ZGRF1: variants seen among roughly 807,000 people sequenced by gnomAD.
ZGRF1 encodes zinc finger GRF-type containing 1.
In ZGRF1, 196 loss-of-function variants were observed where a neutral mutation model predicts 203.5. That is an observed-to-expected ratio of 0.96 (90% CI 0.86 to 1.08). The LOEUF (loss-of-function observed/expected upper bound fraction) is 1.08. Ranked by LOEUF, ZGRF1 falls within the 50% of genes least tolerant of loss-of-function variation. The pLI, the probability that ZGRF1 is intolerant of heterozygous loss-of-function variation, is 0.00. For synonymous variants in ZGRF1, 809 were observed against 841.3 expected, an observed-to-expected ratio of 0.96 and a Z score of 0.66; for missense variants, 2,326 against 2,416.3, an observed-to-expected ratio of 0.96 and a Z score of 0.78.
At position 112,540,975 on chromosome 4, in the gene ZGRF1, C is replaced by G. The variant is rs1357773856; in HGVS notation, c.5776-20G>C. On this transcript the variant is annotated intron_variant, in intron 25 of 27. Transcript: ENST00000505019. ...TTCTATCTGGAGTAAGAAATAGATC[C>G]TAAATTATATTTCCCAGAAAGGCTA... The G allele has an allele frequency of 6.4e-7, 1 of 1,557,566 alleles. No homozygotes were observed. Among genetic ancestry groups the G allele is most frequent in the Non-Finnish European group, 8.7e-7 (1 of 1,149,004 alleles).
chr4:112,567,081 A>C (rs1448290320), intron 16 of ZGRF1, among the ~76,000 whole-genome samples: 1 of 152,224 alleles, frequency 6.6e-6, no homozygotes, highest in East Asian at 1.9e-4. Flanking sequence ...CTACAGTCTA[A>C]GAAATGATAC....
intron 7 of ZGRF1, 69 bp downstream of exon 7, chr4:112,612,455 T>G (rs1414994413): frequency 9.5e-7 from 1 of 1,049,122 alleles, no homozygotes; most frequent in African/African-American, 1.6e-5. Flanking sequence ...ATTACTATAA[T>G]TCTATTACAA....
At chr4:112,564,924 C>T (rs1194393010) in intron 16 of ZGRF1, 3 of 718,582 alleles carry the variant, frequency 4.2e-6, no homozygotes, top group African/African-American at 3.5e-5. Context: ...AACGCCAGCG[C>T]CGCCTGTCGC....
chr4:112,616,637 C>T (rs2046883156), intron 6 of ZGRF1, among the ~76,000 whole-genome samples: 1 of 151,486 alleles, frequency 6.6e-6, no homozygotes, highest in Non-Finnish European at 1.5e-5. Context: ...GAGTTCAAGA[C>T]CAGCCTGGCC....
At chr4:112,560,660 T>A in intron 19 of ZGRF1, 73 bp downstream of exon 19, 2 of 1,271,200 alleles carry the variant, frequency 1.6e-6, no homozygotes, top group Non-Finnish European at 2.2e-6. Flanking sequence ...TAGGAAATTA[T>A]AAAGGAGCAG....
intron 4 of ZGRF1, among the ~76,000 whole-genome samples, chr4:112,623,455 T>A (rs576558657): frequency 6.6e-6 from 1 of 152,280 alleles, no homozygotes; most frequent in South Asian, 2.1e-4. Context: ...TCACAAAAAA[T>A]TTCCCACAGT....
chr4:112,616,773 G>A (rs966548797), intron 6 of ZGRF1, among the ~76,000 whole-genome samples: 1 of 148,628 alleles, frequency 6.7e-6, no homozygotes, highest in African/African-American at 2.5e-5. Flanking sequence ...GGAGGTGGAG[G>A]TTGCAGTGAG....
At chr4:112,559,603 CAATA>C (rs1741566138) in intron 19 of ZGRF1, among the ~76,000 whole-genome samples, 1 of 152,190 alleles carries the variant, frequency 6.6e-6, no homozygotes, top group South Asian at 2.1e-4. Flanking sequence ...ATAATTACAA[CAATA>C]AATGTTAACT....
At chr4:112,592,096 C>CAT (rs1319887309) in intron 10 of ZGRF1, among the ~76,000 whole-genome samples, 2 of 128,566 alleles carry the variant, frequency 1.6e-5, no homozygotes, top group African/African-American at 5.6e-5. Flanking sequence ...CTCATTCATT[C>CAT]TTTTTTTTTT....
chr4:112,591,160 A>G (rs1029614702), intron 10 of ZGRF1, among the ~76,000 whole-genome samples: 1 of 152,182 alleles, frequency 6.6e-6, no homozygotes, highest in Non-Finnish European at 1.5e-5. Flanking sequence ...TTCTTACTAT[A>G]TGCCAACACT....
At chr4:112,566,721 G>A (rs968913634) in intron 16 of ZGRF1, among the ~76,000 whole-genome samples, 5 of 151,964 alleles carry the variant, frequency 3.3e-5, no homozygotes, top group Admixed American at 6.6e-5. Flanking sequence ...GGAAAACCTC[G>A]AGTTGGAGGG....
At chr4:112,614,486 C>T (rs571644277) in intron 6 of ZGRF1, among the ~76,000 whole-genome samples, 11 of 152,160 alleles carry the variant, frequency 7.2e-5, no homozygotes, top group East Asian at 3.9e-4. Flanking sequence ...TTGCTTAGTG[C>T]CACATTTTTC....
In ZGRF1 at chr4:112,618,128, A is replaced by G. The variant is rs2046946908; in HGVS notation, c.1914T>C (p.Tyr638=). The G allele has an allele frequency of 1.9e-6, 3 of 1,613,842 alleles. No individual in the cohort carries two copies. The highest frequency in any genetic ancestry group is 2.2e-5 in the East Asian group (1 of 44,840). The change falls in exon 6 of 28, where the codon TAT becomes TAC. Residue 638 remains tyrosine (Y), a synonymous_variant. Coordinates refer to ENST00000505019, the MANE Select transcript of ZGRF1 (RefSeq NM_018392.5). The part of the protein sequence containing the change: ...TENTGKEIEE[Y]SDTLSNFESF... ...ATTCAAAATTGCTTAATGTGTCACT[A>G]TACTCCTCTATTTCTTTTCCTGTGT...
At chr4:112,601,443 G>A (rs769545505) in intron 10 of ZGRF1, among the ~76,000 whole-genome samples, 3 of 150,792 alleles carry the variant, frequency 2.0e-5, no homozygotes, top group East Asian at 2.0e-4. Flanking sequence ...GCATGGTGGC[G>A]CATGTCTGTA....
Position 112,541,094 on chromosome 4 carries a change from G to A in ZGRF1, c.5773C>T (p.Gln1925Ter). Residue 1925 changes from glutamine to a stop codon, truncating the protein, a stop_gained and splice_region_variant, in exon 25 of 28, where the codon CAG (glutamine) becomes TAG (stop). Coordinates refer to ENST00000505019, the MANE Select transcript of ZGRF1 (RefSeq NM_018392.5). LOFTEE classifies it high-confidence loss of function. ...TCATCAACATTAATGTCATTTACCT[G>A]TTCTAGTCCTTTAACATTATAAAAA... Reference protein sequence around the residue: ...LCFYNVKGLEQIERDNSFHNV... With the variant: ...LCFYNVKGLE 4 of 1,583,952 alleles carry A rather than the reference G, an allele frequency of 2.5e-6. No individual in the cohort carries two copies. The highest frequency in any genetic ancestry group is 2.6e-6 in the Non-Finnish European group (3 of 1,163,410).
intron 24 of ZGRF1, among the ~76,000 whole-genome samples, 190 bp downstream of exon 24, chr4:112,547,095 T>C (rs1738951148): frequency 6.6e-6 from 1 of 152,178 alleles, no homozygotes; most frequent in Non-Finnish European, 1.5e-5. Flanking sequence ...AAAATTCTTT[T>C]TATAAAAGGG....
rs768379875 is a variant in ZGRF1 at position 112,617,930 on chromosome 4, T to C, written c.2112A>G (p.Leu704=). ...GCTGAGGTTGAGCATCTTCTGAAAA[T>C]AGATTACTGTTTTCAGCAATCTGGT... ...IQNQIAENSN[L]FSEDAQPQPF... Residue 704 remains leucine (L), a synonymous_variant, in exon 6 of 28, where the codon CTA becomes CTG. Coordinates refer to ENST00000505019, the MANE Select transcript of ZGRF1 (RefSeq NM_018392.5). 4.3e-6 allele frequency: 7 copies of C among 1,613,256 alleles called. No individual in the cohort carries two copies. Among genetic ancestry groups the C allele is most frequent in the Middle Eastern group, 3.3e-4 (2 of 6,080 alleles).
rs201783478 is a variant in ZGRF1, at chr4:112,575,048, CA to C, written c.4438+6614del. ...CTCAGGAAAAAAAAAAACAAGCAAA[CA>C]AAAAAAAAACAATGTTTAAAGAATT... is the stretch of plus-strand genomic sequence containing the variant. On this transcript the variant is annotated intron_variant, in intron 16 of 27. Transcript: ENST00000505019. Among the ~76,000 whole-genome samples, 1,044 of 141,948 alleles carry C rather than the reference CA, an allele frequency of 7.4e-3. 31 individuals carry two copies. In the East Asian group the frequency reaches 0.097, roughly 13 times the overall value. 93.1% of individuals were successfully genotyped at this position (141,948 alleles called of 152,430 possible).
chr4:112,543,733 T>C lies in ZGRF1; in HGVS notation c.5599-2465A>G, dbSNP rs1738170055. ...TCTTTGAAGGGGAGAGAACGAATGG[T>C]TGGGGGACAGGAGGAGAAGTCTTCA... is the stretch of plus-strand genomic sequence containing the variant. On this transcript the variant is annotated intron_variant, in intron 24 of 27. Coordinates refer to ENST00000505019, the MANE Select transcript of ZGRF1 (RefSeq NM_018392.5). Among the ~76,000 whole-genome samples the C allele has an allele frequency of 2.6e-5, 4 of 152,288 alleles. No homozygotes were observed. The Middle Eastern group carries it at 0.014, about 518-fold the overall frequency.
Sources: gnomAD v4.1 joint callset for allele counts (sites outside exome capture counted in the v4.1 genomes callset) on GRCh38, gnomAD v4.1.1 for gene constraint, MANE v1.5 for transcripts, NCBI Gene and HGNC (gene_info 2026-07-23, HGNC 2026-07-21) for gene names.